RAPGEF4: variants seen among roughly 807,000 people sequenced by gnomAD.
The protein encoded by RAPGEF4 is RAP guanine-nucleotide-exchange factor (GEF) 4.
Under a neutral mutation model 147.9 loss-of-function variants are expected in RAPGEF4, and 66 were observed. That is an observed-to-expected ratio of 0.45 (90% CI 0.37 to 0.55). RAPGEF4 has a LOEUF of 0.55. Among genes scored for constraint, RAPGEF4 ranks in the 20% least tolerant of loss-of-function variants. RAPGEF4 has a pLI of 0.00. For synonymous variants in RAPGEF4, 419 were observed against 442.7 expected (o/e 0.95, Z 0.67); for missense variants, 1,071 against 1,257.3 (o/e 0.85, Z 2.24).
intron 10 of RAPGEF4, 145 bp downstream of exon 10, chr2:172,967,589 A>G: frequency 2.6e-6 from 2 of 770,936 alleles, no homozygotes; most frequent in South Asian, 2.5e-5. Context: ...GTGCCACAGC[A>G]GTGCTTGTCT....
At chr2:172,846,175 A>G (rs1369265571) in intron 4 of RAPGEF4, among the ~76,000 whole-genome samples, 2 of 152,210 alleles carry the variant, frequency 1.3e-5, no homozygotes, top group African/African-American at 4.8e-5. Flanking sequence ...TGGTGTAACC[A>G]CTGTCATAAT....
chr2:172,950,006 G>A (rs1688051625), intron 6 of RAPGEF4, among the ~76,000 whole-genome samples: 1 of 152,172 alleles, frequency 6.6e-6, no homozygotes, highest in Admixed American at 6.5e-5. Context: ...CTTGTTAGAT[G>A]TTATACACTG....
chr2:172,975,636 C>T (rs1690982618), intron 10 of RAPGEF4, among the ~76,000 whole-genome samples: 1 of 152,128 alleles, frequency 6.6e-6, no homozygotes, highest in South Asian at 2.1e-4. Context: ...GTGAAATAAC[C>T]ACAAAATATG....
intron 1 of RAPGEF4, among the ~76,000 whole-genome samples, chr2:172,770,695 G>GT: frequency 6.6e-6 from 1 of 152,310 alleles, no homozygotes; most frequent in Non-Finnish European, 1.5e-5. Flanking sequence ...TAAATGGAAA[G>GT]AATTGCCATC....
chr2:172,841,902 G>A (rs1691654777), intron 4 of RAPGEF4, among the ~76,000 whole-genome samples: 1 of 152,026 alleles, frequency 6.6e-6, no homozygotes, highest in Non-Finnish European at 1.5e-5. Flanking sequence ...CTTGAAAAGT[G>A]TGAATTTCCT....
intron 29 of RAPGEF4, among the ~76,000 whole-genome samples, chr2:173,045,687 G>C (rs1389850449): frequency 6.6e-6 from 1 of 152,198 alleles, no homozygotes; most frequent in African/African-American, 2.4e-5. Context: ...AAAGGAGAAA[G>C]ACTTTAACTC....
chr2:172,886,913 C>T (rs930523088), intron 4 of RAPGEF4, among the ~76,000 whole-genome samples: 8 of 152,120 alleles, frequency 5.3e-5, no homozygotes, highest in Non-Finnish European at 2.9e-5. Flanking sequence ...ATTGGCCGGG[C>T]GCGGTGGCTC....
chr2:172,969,868 T>C (rs1201858674), intron 10 of RAPGEF4, among the ~76,000 whole-genome samples: 2 of 152,198 alleles, frequency 1.3e-5, no homozygotes, highest in African/African-American at 4.8e-5. Flanking sequence ...TTGAATCGCA[T>C]GATCCCTGGC....
chr2:172,922,297 G>C lies in RAPGEF4; in HGVS notation c.534G>C (p.Glu178Asp), dbSNP rs757560905. 6.2e-7 allele frequency: 1 copy of C among 1,606,720 alleles called. No homozygotes were observed. Among genetic ancestry groups the C allele is most frequent in the Non-Finnish European group, 8.5e-7 (1 of 1,173,370 alleles). The change falls in exon 6 of 31, where the codon GAG (glutamate) becomes GAC (aspartate). Residue 178 changes from glutamate (E) to aspartate (D), a missense_variant. By Grantham distance (45) the Glu-to-Asp change is conservative (BLOSUM62 2). Coordinates refer to ENST00000397081, the MANE Select transcript of RAPGEF4 (RefSeq NM_007023.4). ...GSNNDRIPDKENTPLIEPHVP... is the reference protein window; with the variant it reads ...GSNNDRIPDKDNTPLIEPHVP... ...CTCCTTTAGGGATTCCTGACAAGGA[G>C]AACGTGAGTAGCTACTCTCTCTGCC... is the stretch of plus-strand genomic sequence containing the variant.
At chr2:172,996,218 G>T (rs1389019613) in intron 15 of RAPGEF4, among the ~76,000 whole-genome samples, 1 of 152,086 alleles carries the variant, frequency 6.6e-6, no homozygotes, top group Non-Finnish European at 1.5e-5. Context: ...TCTTCAAGAA[G>T]TTTACCTTAT....
At chr2:172,904,257 A>G (rs1472674918) in intron 4 of RAPGEF4, among the ~76,000 whole-genome samples, 1 of 152,208 alleles carries the variant, frequency 6.6e-6, no homozygotes, top group Non-Finnish European at 1.5e-5. Flanking sequence ...ATGGTTGAAT[A>G]AAATGTTGTC....
chr2:173,017,119 G>T, intron 19 of RAPGEF4, 55 bp from the exon 20 acceptor site: 2 of 1,524,252 alleles, frequency 1.3e-6, no homozygotes, highest in South Asian at 1.1e-5. Context: ...ATACAAATAA[G>T]GCAATTTAAT....
chr2:172,885,355 C>G (rs1487774352), intron 4 of RAPGEF4, among the ~76,000 whole-genome samples: 2 of 152,188 alleles, frequency 1.3e-5, no homozygotes, highest in Non-Finnish European at 2.9e-5. Flanking sequence ...CCTCCCAAGA[C>G]CTGGTCTCTG....
At chr2:172,962,382 A>C (rs1689384564) in intron 8 of RAPGEF4, among the ~76,000 whole-genome samples, 1 of 152,174 alleles carries the variant, frequency 6.6e-6, no homozygotes, top group Admixed American at 6.5e-5. Context: ...GTTACCATGA[A>C]GGATGCATGT....
intron 4 of RAPGEF4, among the ~76,000 whole-genome samples, chr2:172,901,275 T>A (rs1217341701): frequency 6.6e-6 from 1 of 152,242 alleles, no homozygotes; most frequent in East Asian, 1.9e-4. Flanking sequence ...TACTTCCTTT[T>A]AAAATACAAA....
chr2:173,048,802 G>C, intron 30 of RAPGEF4, 148 bp downstream of exon 30: 1 of 1,432,158 alleles, frequency 7.0e-7, no homozygotes. Flanking sequence ...TAGGGGCCTT[G>C]AGTTTAAAGA....
chr2:172,755,789 A>T (rs981299803), intron 1 of RAPGEF4, among the ~76,000 whole-genome samples: 20 of 152,186 alleles, frequency 1.3e-4, no homozygotes, highest in South Asian at 8.3e-4. Flanking sequence ...GCCAAGGGTA[A>T]CTCTTACATA....
rs1369577375 is a variant in RAPGEF4, at chr2:172,874,687, GA to G, written c.445-43113del. Among the ~76,000 whole-genome samples the G allele has an allele frequency of 6.6e-5, 10 of 152,192 alleles. 1 individual carries two copies. Among genetic ancestry groups the G allele is most frequent in the African/African-American group, 2.2e-4 (9 of 41,528 alleles). On this transcript the variant is annotated intron_variant, in intron 4 of 30. Coordinates refer to ENST00000397081, the MANE Select transcript of RAPGEF4 (RefSeq NM_007023.4). The stretch of plus-strand genomic sequence containing the variant: ...GTTGGTTCCAGGTCTTTGCTATTGT[GA>G]ATAGTGCCGCAATAAACATACATGT...
At chr2:173,014,282 A>G (rs528038380) in intron 17 of RAPGEF4, among the ~76,000 whole-genome samples, 182 bp from the exon 18 acceptor site, 7 of 152,254 alleles carry the variant, frequency 4.6e-5, no homozygotes, top group South Asian at 2.1e-4. Flanking sequence ...AGGAGTAAAC[A>G]AGGAATTGCA....
Sources: allele counts gnomAD v4.1 joint callset (sites outside exome capture counted in the v4.1 genomes callset), GRCh38; gene constraint gnomAD v4.1.1; transcripts MANE v1.5; gene names NCBI Gene and HGNC (gene_info 2026-07-23, HGNC 2026-07-21).